PCDHGB3: variants seen among roughly 807,000 people sequenced by gnomAD.
PCDHGB3 encodes the protein protocadherin gamma-B3.
A neutral mutation model predicts 59.2 loss-of-function variants in PCDHGB3; 40 were observed. That is an observed-to-expected ratio of 0.68 (90% CI 0.52 to 0.88). PCDHGB3 has a LOEUF of 0.88. Among genes scored for constraint, PCDHGB3 ranks in the 40% least tolerant of loss-of-function variants. The pLI is 0.00. For synonymous variants in PCDHGB3, 581 were observed against 503.6 expected (o/e 1.15, Z -2.06); for missense variants, 1,309 against 1,187.9 (o/e 1.10, Z -1.50).
chr5:141,405,320 C>G, intron 1 of PCDHGB3: 1 of 1,614,188 alleles, frequency 6.2e-7, no homozygotes, highest in Non-Finnish European at 8.5e-7. Context: ...GAAAAATGAG[C>G]CTTTGTGCGT....
intron 1 of PCDHGB3, chr5:141,433,358 CCTATCTATCTATCTAT>C (rs3074541): frequency 2.0e-4 from 99 of 504,042 alleles, no homozygotes; most frequent in East Asian, 3.1e-4. Flanking sequence ...CTACTGTCTG[CCTATCTATCTATCTAT>C]CTATCTATCT....
chr5:141,446,075 A>G (rs907731619), intron 1 of PCDHGB3, among the ~76,000 whole-genome samples: 1 of 152,216 alleles, frequency 6.6e-6, no homozygotes, highest in Admixed American at 6.5e-5. Context: ...GAGGCAGTGG[A>G]TGTAGAAATA....
chr5:141,465,385 C>T (rs752724696), intron 1 of PCDHGB3, among the ~76,000 whole-genome samples: 3 of 151,978 alleles, frequency 2.0e-5, no homozygotes, highest in Admixed American at 6.6e-5. Context: ...AGATTAGGAA[C>T]AAAAACAAGT....
chr5:141,409,659 A>C, intron 1 of PCDHGB3: 1 of 1,613,574 alleles, frequency 6.2e-7, no homozygotes, highest in Non-Finnish European at 8.5e-7. Flanking sequence ...CTCAATGGCC[A>C]CATCTCCTAC....
chr5:141,476,180 C>T lies in PCDHGB3; in HGVS notation c.2416-18627C>T. The T allele has an allele frequency of 1.2e-6, 2 of 1,613,664 alleles. No individual in the cohort carries two copies. Among genetic ancestry groups the T allele is most frequent in the East Asian group, 4.5e-5 (2 of 44,838 alleles). On this transcript the variant is annotated intron_variant, in intron 1 of 3. Transcript: ENST00000576222. The surrounding 1 kb of genome is among the most constrained non-coding windows in gnomAD (Gnocchi z 7.6). ...CGGGAGGGTAGTGGGAGTTTTGCTT[C>T]TGCTTGGTGCCTTGAACAAGGCTTC...
chr5:141,414,751 T>C (rs2095785645), intron 1 of PCDHGB3: 4 of 1,614,084 alleles, frequency 2.5e-6, no homozygotes, highest in Non-Finnish European at 1.7e-6. Flanking sequence ...ATCCTTCGAC[T>C]ATGAGCAGTT....
At chr5:141,392,776 C>T in intron 1 of PCDHGB3, 1 of 1,526,772 alleles carries the variant, frequency 6.5e-7, no homozygotes, top group African/African-American at 1.4e-5. Flanking sequence ...CATTTATGCA[C>T]AGTGAAGATT....
rs756761584 is a variant in PCDHGB3 at position 141,476,545 on chromosome 5, G to A, written c.2416-18262G>A. 13 of 1,614,230 alleles carry A rather than the reference G, an allele frequency of 8.1e-6. No homozygotes were observed. The Admixed American group carries it at 2.2e-4, about 27-fold the overall frequency. On this transcript the variant is annotated intron_variant, in intron 1 of 3. Coordinates refer to ENST00000576222, the MANE Select transcript of PCDHGB3 (RefSeq NM_018924.5). This position sits in a 1 kb window ranked among gnomAD's most constrained non-coding sequence, Gnocchi z 7.6. ...TCCCTACCCAGGAAATGAAATTGGA[G>A]ATTAGCGAGGCCGTGGCTCCGGGGA...
At chr5:141,417,937 C>T (rs571233315) in intron 1 of PCDHGB3, 2 of 1,612,530 alleles carry the variant, frequency 1.2e-6, no homozygotes, top group South Asian at 1.1e-5. Context: ...CTTTGTTCTA[C>T]CCCACGCTGT....
In PCDHGB3 at chr5:141,491,729, C is replaced by T. The variant is rs766649819; in HGVS notation, c.2416-3078C>T. On this transcript the variant is annotated intron_variant, in intron 1 of 3. Coordinates refer to ENST00000576222, the MANE Select transcript of PCDHGB3 (RefSeq NM_018924.5). This position sits in a 1 kb window ranked among gnomAD's most constrained non-coding sequence, Gnocchi z 6.9. ...AGGGGCTCGGCGCCGCCCCGGGCGA[C>T]CCCTGGGGGCGGCACTGGAGAAGCC... 6.1e-5 allele frequency: 98 copies of T among 1,603,832 alleles called. No homozygotes were observed. Among genetic ancestry groups the T allele is most frequent in the Non-Finnish European group, 7.9e-5 (93 of 1,175,848 alleles).
At chr5:141,510,028 C>A (rs962629835) in intron 3 of PCDHGB3, among the ~76,000 whole-genome samples, 1 of 152,164 alleles carries the variant, frequency 6.6e-6, no homozygotes, top group Non-Finnish European at 1.5e-5. Context: ...GCTGGCTGGG[C>A]TGTTATGTAG....
chr5:141,383,238 A>G (rs1381388622), intron 1 of PCDHGB3: 1 of 1,613,848 alleles, frequency 6.2e-7, no homozygotes, highest in Non-Finnish European at 8.5e-7. Flanking sequence ...TGGAAGATAA[A>G]ATGAATCTTT....
intron 1 of PCDHGB3, chr5:141,410,478 C>T (rs767257836): frequency 1.9e-6 from 3 of 1,613,992 alleles, no homozygotes; most frequent in Non-Finnish European, 2.5e-6. Flanking sequence ...ATTGCACATA[C>T]GGGTACAAAA....
chr5:141,403,177 C>T, intron 1 of PCDHGB3: 3 of 1,614,008 alleles, frequency 1.9e-6, no homozygotes, highest in Non-Finnish European at 2.5e-6. Context: ...CGCAGCTTTT[C>T]TCTCTGAACC....
intron 1 of PCDHGB3, chr5:141,414,483 A>T (rs756254490): frequency 5.6e-6 from 9 of 1,613,826 alleles, no homozygotes; most frequent in Non-Finnish European, 6.8e-6. Flanking sequence ...GTCCTCCTCT[A>T]TCAACGGAAG....
intron 1 of PCDHGB3, among the ~76,000 whole-genome samples, chr5:141,454,170 G>A (rs2098782662): frequency 6.6e-6 from 1 of 152,162 alleles, no homozygotes; most frequent in Admixed American, 6.5e-5. Context: ...TCTCTAGAAG[G>A]GCAGCTAAAG....
At chr5:141,418,045 G>A (rs754041387) in intron 1 of PCDHGB3, 2 of 1,614,002 alleles carry the variant, frequency 1.2e-6, no homozygotes, top group East Asian at 2.2e-5. Flanking sequence ...TGGATGTGTC[G>A]GCTCGCGAGC....
At chr5:141,410,049 T>A in intron 1 of PCDHGB3, 1 of 1,613,184 alleles carries the variant, frequency 6.2e-7, no homozygotes, top group Admixed American at 1.7e-5. Flanking sequence ...GAGCCCGGAC[T>A]CTTCAGCCTG....
chr5:141,492,164 C>T (rs1180358388), intron 1 of PCDHGB3, among the ~76,000 whole-genome samples: 2 of 152,230 alleles, frequency 1.3e-5, no homozygotes, highest in East Asian at 1.9e-4. Context: ...CTCCCTATCC[C>T]CGCATCACCC....
Sources: allele counts gnomAD v4.1 joint callset (sites outside exome capture counted in the v4.1 genomes callset), GRCh38; gene constraint gnomAD v4.1.1; non-coding constraint Gnocchi (gnomAD v3.1); transcripts MANE v1.5; gene names NCBI Gene and HGNC (gene_info 2026-07-23, HGNC 2026-07-21).